The following HDAC4 variants were observed in gnomAD, a reference collection of about 807,000 sequenced individuals.
The protein encoded by HDAC4 is histone deacetylase 4.
Under a neutral mutation model 135.1 loss-of-function variants are expected in HDAC4, and 16 were observed. The ratio of observed to expected loss-of-function variants is 0.12; its 90% confidence interval spans 0.08 to 0.18. The LOEUF (loss-of-function observed/expected upper bound fraction) is 0.18. Ranked by LOEUF, HDAC4 falls within the 10% of genes least tolerant of loss-of-function variation. The pLI is 1.00. For synonymous variants in HDAC4, 685 were observed against 653.4 expected (o/e 1.05, Z -0.74); for missense variants, 1,143 against 1,511.8 (o/e 0.76, Z 4.05).
intron 2 of HDAC4, among the ~76,000 whole-genome samples, chr2:239,260,161 G>T (rs538960183): frequency 6.6e-6 from 1 of 152,338 alleles, no homozygotes; most frequent in South Asian, 2.1e-4. Flanking sequence ...TCCAACGGAA[G>T]CCCCTCTGCG....
rs114849082 is a variant in HDAC4, at chr2:239,297,442, C to T, written c.22+55236G>A. On this transcript the variant is annotated intron_variant, in intron 2 of 26. Transcript: ENST00000543185. ...TTTGCATTGCCATTTAACTCAGACA[C>T]TGGTGTGACAGCATAGGGTTGAGAC... 2.2e-3 allele frequency among the ~76,000 whole-genome samples: 341 copies of T among 152,380 alleles called. 2 individuals carry two copies. The highest frequency in any genetic ancestry group is 4.2e-3 in the Non-Finnish European group (284 of 68,030).
chr2:239,371,388 T>C (rs576610952), intron 1 of HDAC4, among the ~76,000 whole-genome samples: 2 of 151,978 alleles, frequency 1.3e-5, no homozygotes, highest in East Asian at 1.9e-4. Flanking sequence ...CTAACACTTA[T>C]ACACTAATAC....
Position 239,068,699 on chromosome 2 carries a change from C to T in HDAC4, c.2751-92G>A. On this transcript the variant is annotated intron_variant, in intron 22 of 26. Coordinates refer to ENST00000543185, the MANE Select transcript of HDAC4 (RefSeq NM_001378414.1). This position sits in a 1 kb window ranked among gnomAD's most constrained non-coding sequence, Gnocchi z 4.4. ...AAGGTTCCCTCTGGCATTGATAATG[C>T]CTGCCCCGCACCCCCTCGGCCACTG... The T allele has an allele frequency of 9.1e-7, 1 of 1,102,734 alleles. No homozygotes were observed. Among genetic ancestry groups the T allele is most frequent in the South Asian group, 1.2e-5 (1 of 80,610 alleles). The allele number at this position is 1,102,734 out of a possible 1,614,324, so 68.3% of individuals were successfully genotyped here.
At chr2:239,327,991 T>C (rs1456716606) in intron 2 of HDAC4, among the ~76,000 whole-genome samples, 3 of 152,228 alleles carry the variant, frequency 2.0e-5, no homozygotes, top group Non-Finnish European at 4.4e-5. Flanking sequence ...TGCCTGGCCC[T>C]GTCCACAAGG....
intron 25 of HDAC4, among the ~76,000 whole-genome samples, chr2:239,054,078 G>C (rs535605966): frequency 6.6e-6 from 1 of 152,166 alleles, no homozygotes; most frequent in East Asian, 2.0e-4. Flanking sequence ...TGTATGTGGA[G>C]GGCTGGGCCT....
intron 2 of HDAC4, among the ~76,000 whole-genome samples, chr2:239,296,723 T>C (rs2051915981): frequency 6.6e-6 from 1 of 152,178 alleles, no homozygotes; most frequent in African/African-American, 2.4e-5. Flanking sequence ...GCCTGTCCAC[T>C]GTCGGGCCCC....
At chr2:239,386,320 G>A (rs74003976) in intron 1 of HDAC4, among the ~76,000 whole-genome samples, 11,866 of 152,140 alleles carry the variant, frequency 0.078, 1,071 homozygotes, top group African/African-American at 0.22. Flanking sequence ...GTTTCTGTAC[G>A]AAAATGGGTG....
Position 239,139,953 on chromosome 2 carries a change from A to AG in HDAC4, c.866-158dup, listed in dbSNP as rs1227174987. ...AAGAACATGGCCATGGTTTCAAAAA[A>AG]GAAAGTATGATGCTGATTTCTGATT... On this transcript the variant is annotated intron_variant, in intron 8 of 26. Coordinates refer to ENST00000543185, the MANE Select transcript of HDAC4 (RefSeq NM_001378414.1). The surrounding 1 kb of genome is among the most constrained non-coding windows in gnomAD (Gnocchi z 5.3). 2.0e-5 allele frequency among the ~76,000 whole-genome samples: 3 copies of AG among 152,202 alleles called. No individual in the cohort carries two copies. Among genetic ancestry groups the AG allele is most frequent in the African/African-American group, 7.2e-5 (3 of 41,426 alleles).
In HDAC4 at chr2:239,050,999, C is replaced by T. The variant is rs917777197; in HGVS notation, c.*2098G>A. 3 of 152,606 alleles carry T rather than the reference C, an allele frequency of 2.0e-5. No individual in the cohort carries two copies. Among genetic ancestry groups the T allele is most frequent in the African/African-American group, 7.2e-5 (3 of 41,430 alleles). 9.5% of individuals were successfully genotyped at this position (152,606 alleles called of 1,614,324 possible). On this transcript the variant is annotated 3_prime_UTR_variant, in exon 27 of 27. Transcript: ENST00000543185. ...AGTGGGTAAAGAGCCCCACGTGTGC[C>T]CCATGCATTGCTGACATGCTCAAAA...
chr2:239,301,030 A>G (rs1316770826), intron 2 of HDAC4, among the ~76,000 whole-genome samples: 1 of 152,160 alleles, frequency 6.6e-6, no homozygotes, highest in African/African-American at 2.4e-5. Flanking sequence ...GGGCTCCAAG[A>G]GCACTGCTCA....
rs932608258 is a variant in HDAC4 at position 239,400,168 on chromosome 2, G to A, written c.-220+810C>T. Among the ~76,000 whole-genome samples, 7 of 151,724 alleles carry A rather than the reference G, an allele frequency of 4.6e-5. No homozygotes were observed. The East Asian group carries it at 1.2e-3, about 25-fold the overall frequency. Reference sequence around the variant, plus strand: ...CCGTCTCGGCCTGCTGGCGCCCTGCGGGCTGAGCCGAGCGGGTCCCGGGCA... The same window carrying A: ...CCGTCTCGGCCTGCTGGCGCCCTGCAGGCTGAGCCGAGCGGGTCCCGGGCA... On this transcript the variant is annotated intron_variant, in intron 1 of 26. Coordinates refer to ENST00000543185, the MANE Select transcript of HDAC4 (RefSeq NM_001378414.1). This position sits in a 1 kb window ranked among gnomAD's most constrained non-coding sequence, Gnocchi z 4.7.
At chr2:239,219,829 C>T (rs924465669) in intron 3 of HDAC4, among the ~76,000 whole-genome samples, 9 of 152,080 alleles carry the variant, frequency 5.9e-5, no homozygotes, top group East Asian at 1.9e-4. Flanking sequence ...ACAAAGATGA[C>T]GGAACTGTCT....
rs772346579 is a variant in HDAC4, at chr2:239,309,958, T to A, written c.22+42720A>T. On this transcript the variant is annotated intron_variant, in intron 2 of 26. Coordinates refer to ENST00000543185, the MANE Select transcript of HDAC4 (RefSeq NM_001378414.1). The surrounding 1 kb of genome is among the most constrained non-coding windows in gnomAD (Gnocchi z 4.2). ...GTGGCCAGGGTGGCCCGAGCCAGCA[T>A]CAGGCACAAGGCCCAAGGAGTTTCT... is the stretch of plus-strand genomic sequence containing the variant. Among the ~76,000 whole-genome samples the A allele has an allele frequency of 4.6e-5, 7 of 152,200 alleles. No homozygotes were observed. Among genetic ancestry groups the A allele is most frequent in the Non-Finnish European group, 8.8e-5 (6 of 68,028 alleles).
At chr2:239,216,190 T>TTA (rs10535738) in intron 3 of HDAC4, among the ~76,000 whole-genome samples, 2 of 151,640 alleles carry the variant, frequency 1.3e-5, no homozygotes. Flanking sequence ...ACGCACGTGT[T>TTA]TATATATATA....
intron 24 of HDAC4, among the ~76,000 whole-genome samples, chr2:239,056,421 T>A (rs899865384): frequency 3.3e-5 from 5 of 152,090 alleles, no homozygotes; most frequent in Non-Finnish European, 7.4e-5. Context: ...TGCCTGAAGG[T>A]CAAGGGACGG....
At chr2:239,182,919 C>T (rs1420828314) in intron 4 of HDAC4, among the ~76,000 whole-genome samples, 2 of 152,168 alleles carry the variant, frequency 1.3e-5, no homozygotes, top group Non-Finnish European at 1.5e-5. Flanking sequence ...AGGGCAGGTG[C>T]GTCACTGGAA....
chr2:239,095,306 C>T (rs192415490), intron 16 of HDAC4, among the ~76,000 whole-genome samples: 19 of 152,316 alleles, frequency 1.2e-4, no homozygotes, highest in Non-Finnish European at 2.1e-4. Flanking sequence ...ATTGTTGTGG[C>T]ATCAGCCTGT....
intron 4 of HDAC4, among the ~76,000 whole-genome samples, chr2:239,182,526 G>C (rs1195583387): frequency 6.6e-6 from 1 of 152,238 alleles, no homozygotes; most frequent in African/African-American, 2.4e-5. Flanking sequence ...CTGTGGTGGA[G>C]TTTTAATGAA....
chr2:239,194,332 T>C (rs2045218184), intron 3 of HDAC4, among the ~76,000 whole-genome samples: 1 of 152,368 alleles, frequency 6.6e-6, no homozygotes, highest in African/African-American at 2.4e-5. Flanking sequence ...GTACAAGTTC[T>C]GCAAATTAAT....
Sources: gnomAD v4.1 joint callset for allele counts (sites outside exome capture counted in the v4.1 genomes callset) on GRCh38, gnomAD v4.1.1 for gene constraint, Gnocchi (gnomAD v3.1) non-coding constraint, MANE v1.5 for transcripts, NCBI Gene and HGNC (gene_info 2026-07-23, HGNC 2026-07-21) for gene names.